RGS11: variants seen among roughly 807,000 people sequenced by gnomAD.
RGS11 encodes regulator of G protein signaling 11, also known as regulator of G-protein signaling 11.
RGS11 carries 86 observed loss-of-function variants against 71.1 expected under a neutral mutation model. That is an observed-to-expected ratio of 1.21 (90% CI 1.02 to 1.45). The LOEUF is 1.45. RGS11 is among the 40% of genes most tolerant of loss of function. The pLI, the probability that RGS11 is intolerant of heterozygous loss-of-function variation, is 0.00. For missense variants in RGS11, 734 were observed against 635.1 expected (o/e 1.16, Z -1.67); for synonymous variants, 298 against 254.2 (o/e 1.17, Z -1.64).
At chr16:270,943 C>T (rs748107693) in intron 13 of RGS11, 41 bp downstream of exon 13, 15 of 1,569,086 alleles carry the variant, frequency 9.6e-6, no homozygotes, top group Non-Finnish European at 1.2e-5. Flanking sequence ...CAGGCAGCAG[C>T]CTCCCCGCTG....
Position 268,357 on chromosome 16 carries a change from T to G in RGS11, c.*912A>C. 1 of 270,264 alleles carries G rather than the reference T, an allele frequency of 3.7e-6. No homozygotes were observed. Among genetic ancestry groups the G allele is most frequent in the South Asian group, 4.5e-5 (1 of 22,344 alleles). 16.7% of individuals were successfully genotyped at this position (270,264 alleles called of 1,614,324 possible). On this transcript the variant is annotated 3_prime_UTR_variant, in exon 17 of 17. Coordinates refer to ENST00000397770, the MANE Select transcript of RGS11 (RefSeq NM_183337.3). ...TCTTTTATTTGTGTGCTGGACGCTG[T>G]TGGGAGTGACTGGATGTGAGCCAGC...
chr16:269,703 A>AC lies in RGS11; in HGVS notation c.1207-119dup, dbSNP rs113321592. The AC allele has an allele frequency of 2.7e-4, 221 of 824,890 alleles. No individual in the cohort carries two copies. In the African/African-American group the frequency reaches 3.2e-3, roughly 12 times the overall value. The allele number at this position is 824,890 out of a possible 1,614,324, so 51.1% of individuals were successfully genotyped here. A position where few individuals can be genotyped will look rare whatever the true frequency, so the allele number is the denominator to read the frequency against. On this transcript the variant is annotated intron_variant, in intron 15 of 16. Transcript: ENST00000397770. ...CCTCCAGCCACAGAGTCTCCGGCGG[A>AC]CAGGGTGCTGGAGGCAGCCGCCTCG...
At position 270,847 on chromosome 16, in the gene RGS11, C is replaced by T. The variant is rs1374678155; in HGVS notation, c.980-16G>A. 2 of 1,607,804 alleles carry T rather than the reference C, an allele frequency of 1.2e-6. No individual in the cohort carries two copies. Among genetic ancestry groups the T allele is most frequent in the Non-Finnish European group, 1.7e-6 (2 of 1,177,864 alleles). On this transcript the variant is annotated splice_polypyrimidine_tract_variant and intron_variant, in intron 13 of 16. Transcript: ENST00000397770. ...AGGTTTTCTCCTGGGGGGCCGGGCA[C>T]CCAGTCAAGGATCCCATCGAGAGTG...
chr16:273,077 T>C, intron 8 of RGS11, 146 bp from the exon 9 acceptor site: 1 of 768,926 alleles, frequency 1.3e-6, no homozygotes, highest in Non-Finnish European at 2.0e-6. Flanking sequence ...CAGCTGTCTC[T>C]TCTCTGCTCA....
chr16:271,331 G>A lies in RGS11; in HGVS notation c.750-16C>T, dbSNP rs1215532077. 1 of 1,612,554 alleles carries A rather than the reference G, an allele frequency of 6.2e-7. No homozygotes were observed. Among genetic ancestry groups the A allele is most frequent in the South Asian group, 1.1e-5 (1 of 91,068 alleles). ...ACTCAGGTACCTGGAAGGGGGTATGGGGGCTGGTGCAGGAGGGGCCTCAGC... is the reference window on the plus strand; with the variant it reads ...ACTCAGGTACCTGGAAGGGGGTATGAGGGCTGGTGCAGGAGGGGCCTCAGC... On this transcript the variant is annotated splice_polypyrimidine_tract_variant and intron_variant, in intron 11 of 16. Transcript: ENST00000397770.
rs556974692 is a variant in RGS11 at position 270,777 on chromosome 16, G to A, written c.1034C>T (p.Ala345Val). ...GGCATCCACCAGGGTGGGGACCTGG[G>A]CCTGCGCTCCATATCGAAGCTCCTC... ...ACEELRYGAQ[A>V]QVPTLVDAVY... The change falls in exon 14 of 17, where the codon GCC becomes GTC. Residue 345 changes from alanine (A) to valine (V), a missense_variant. Coordinates refer to ENST00000397770, the MANE Select transcript of RGS11 (RefSeq NM_183337.3). 3.1e-6 allele frequency: 5 copies of A among 1,612,580 alleles called. No individual in the cohort carries two copies. The African/African-American group carries it at 6.7e-5, about 21-fold the overall frequency.
chr16:272,910 C>T lies in RGS11; in HGVS notation c.610G>A (p.Glu204Lys), dbSNP rs1351796611. The T allele has an allele frequency of 1.3e-6, 2 of 1,523,524 alleles. No individual in the cohort carries two copies. Among genetic ancestry groups the T allele is most frequent in the Non-Finnish European group, 1.8e-6 (2 of 1,131,462 alleles). 94.4% of individuals were successfully genotyped at this position (1,523,524 alleles called of 1,614,324 possible). Residue 204 changes from glutamate (E) to lysine (K), a missense_variant, in exon 9 of 17, where the codon GAG (glutamate) becomes AAG (lysine). Glu to Lys is a moderately conservative substitution (Grantham distance 56, BLOSUM62 1). Coordinates refer to ENST00000397770, the MANE Select transcript of RGS11 (RefSeq NM_183337.3). The part of the protein sequence containing the change: ...RPPPGAPDVL[E>K]QGPGRGSCAA... ...CAGGATCCCCGCCCTGGACCCTGCT[C>T]CAGCACATCGGGGGCCCCGGGCTGC...
Position 269,593 on chromosome 16 carries a change from A to G in RGS11, c.1207-8T>C, listed in dbSNP as rs2051823012. On this transcript the variant is annotated splice_polypyrimidine_tract_variant and splice_region_variant and intron_variant, in intron 15 of 16. Transcript: ENST00000397770. ...GAACCTTGGGTAGGAGTCCTACAAG[A>G]GACAGCGTCCAGCCCCTGACCCTTC... is the stretch of plus-strand genomic sequence containing the variant. 6.2e-7 allele frequency: 1 copy of G among 1,609,554 alleles called. No homozygotes were observed. Among genetic ancestry groups the G allele is most frequent in the Non-Finnish European group, 8.5e-7 (1 of 1,176,720 alleles).
rs1232675028 is a variant in RGS11, at chr16:268,370, G to A, written c.*899C>T. On this transcript the variant is annotated 3_prime_UTR_variant, in exon 17 of 17. Coordinates refer to ENST00000397770, the MANE Select transcript of RGS11 (RefSeq NM_183337.3). ...TGCTGGACGCTGTTGGGAGTGACTG[G>A]ATGTGAGCCAGCCCTATGGGTGGGG... 3.3e-6 allele frequency: 1 copy of A among 301,950 alleles called. No homozygotes were observed. Among genetic ancestry groups the A allele is most frequent in the Non-Finnish European group, 6.4e-6 (1 of 155,156 alleles). The allele number at this position is 301,950 out of a possible 1,614,324, so 18.7% of individuals were successfully genotyped here.
chr16:275,836 AC>A lies in RGS11; in HGVS notation c.63+12del. ...GAAATCGGGGGACGGCGGGACACCC[AC>A]CCGCCTCGCACCTTCCTCAGATGCG... On this transcript the variant is annotated intron_variant, in intron 1 of 16. Transcript: ENST00000397770. The A allele has an allele frequency of 9.5e-7, 1 of 1,054,956 alleles. No homozygotes were observed. The allele number at this position is 1,054,956 out of a possible 1,614,324, so 65.3% of individuals were successfully genotyped here. A position where few individuals can be genotyped will look rare whatever the true frequency, so the allele number is the denominator to read the frequency against.
chr16:271,589 C>T lies in RGS11; in HGVS notation c.658-20G>A, dbSNP rs768842752. 1.2e-6 allele frequency: 2 copies of T among 1,613,480 alleles called. No individual in the cohort carries two copies. Among genetic ancestry groups the T allele is most frequent in the Non-Finnish European group, 1.7e-6 (2 of 1,179,618 alleles). On this transcript the variant is annotated intron_variant, in intron 9 of 16. Coordinates refer to ENST00000397770, the MANE Select transcript of RGS11 (RefSeq NM_183337.3). ...CTTGGTCTAGAAGGGGATAGGTGGG[C>T]TGCAGTTAGATGCAGGTCCCCTGCT...
chr16:269,270 T>C lies in RGS11; in HGVS notation c.1403A>G (p.Ter468TrpextTer89), dbSNP rs777204545. Residue 468 changes from the stop codon to tryptophan (W), a stop_lost, in exon 17 of 17, where the codon TAG (stop) becomes TGG (tryptophan). Coordinates refer to ENST00000397770, the MANE Select transcript of RGS11 (RefSeq NM_183337.3). ...AGAGTGGCAGATGGGCCAGGTCCACTAGGCCACCCCATCTCCACCCCCAGG... is the reference window on the plus strand; with the variant it reads ...AGAGTGGCAGATGGGCCAGGTCCACCAGGCCACCCCATCTCCACCCCCAGG... ...CGPGGGDGVA[*>W] The C allele has an allele frequency of 6.4e-7, 1 of 1,559,528 alleles. No individual in the cohort carries two copies. Among genetic ancestry groups the C allele is most frequent in the South Asian group, 1.2e-5 (1 of 85,200 alleles).
chr16:269,128 G>GC lies in RGS11; in HGVS notation c.*140_*141insG, dbSNP rs566943213. On this transcript the variant is annotated 3_prime_UTR_variant, in exon 17 of 17. Coordinates refer to ENST00000397770, the MANE Select transcript of RGS11 (RefSeq NM_183337.3). ...AGGGAGGGAGGCTGTGCACCCCACAGAAGACTGGGCCCCCTGGGCACAAGG... is the reference window on the plus strand; with the variant it reads ...AGGGAGGGAGGCTGTGCACCCCACAGCAAGACTGGGCCCCCTGGGCACAAGG... 628 of 900,522 alleles carry GC rather than the reference G, an allele frequency of 7.0e-4. 6 individuals are homozygous for GC. In the South Asian group the frequency reaches 8.0e-3, roughly 11 times the overall value. The allele number at this position is 900,522 out of a possible 1,614,324, so 55.8% of individuals were successfully genotyped here. A position where few individuals can be genotyped will look rare whatever the true frequency, so the allele number is the denominator to read the frequency against.
chr16:271,266 C>A lies in RGS11; in HGVS notation c.799G>T (p.Gly267Trp). The A allele has an allele frequency of 6.2e-7, 1 of 1,612,960 alleles. No homozygotes were observed. The change falls in exon 12 of 17, where the codon GGG (glycine) becomes TGG (tryptophan). Residue 267 changes from glycine (G) to tryptophan (W), a missense_variant. By Grantham distance (184) the Gly-to-Trp change is radical (BLOSUM62 -2). Transcript: ENST00000397770. ...QRGPHDPLVSGCLPSNPWISD... is the reference protein window; with the variant it reads ...QRGPHDPLVSWCLPSNPWISD... The stretch of plus-strand genomic sequence containing the variant: ...ATCCAGGGATTGCTGGGCAGGCACC[C>A]CGACACGAGGGGATCGTGGGGTCCA...
rs749289973 is a variant in RGS11 at position 271,413 on chromosome 16, G to A, written c.735C>T (p.Ser245=). 9 of 1,613,738 alleles carry A rather than the reference G, an allele frequency of 5.6e-6. No individual in the cohort carries two copies. Among genetic ancestry groups the A allele is most frequent in the Middle Eastern group, 1.6e-4 (1 of 6,062 alleles). Residue 245 remains serine (S), a synonymous_variant, in exon 11 of 17, where the codon TCC becomes TCT. Coordinates refer to ENST00000397770, the MANE Select transcript of RGS11 (RefSeq NM_183337.3). ...KALGRTRVKS[S]VCLEAYLSFC... ...ACCCCACTCACGCCTCAAGGCAGAC[G>A]GAGGACTTCACTCGGGTCCTGCCCA...
Position 275,853 on chromosome 16 carries a change from C to A in RGS11, c.59G>T (p.Arg20Met). Residue 20 changes from arginine to methionine, a missense_variant, in exon 1 of 17, where the codon AGG (arginine) becomes ATG (methionine). Coordinates refer to ENST00000397770, the MANE Select transcript of RGS11 (RefSeq NM_183337.3). ...GRPRAQMPHL[R>M]KMERVVVSMQ... ...GGACACCCACCCGCCTCGCACCTTC[C>A]TCAGATGCGGCATCTGCGCCCGGGG... 9.4e-7 allele frequency: 1 copy of A among 1,068,236 alleles called. No homozygotes were observed. Among genetic ancestry groups the A allele is most frequent in the Non-Finnish European group, 1.1e-6 (1 of 871,272 alleles). 66.2% of individuals were successfully genotyped at this position (1,068,236 alleles called of 1,614,324 possible). A position where few individuals can be genotyped will look rare whatever the true frequency, so the allele number is the denominator to read the frequency against.
chr16:272,731 C>T, intron 9 of RGS11, 132 bp downstream of exon 9: 21 of 1,500,666 alleles, frequency 1.4e-5, no homozygotes, highest in Admixed American at 2.1e-5. Flanking sequence ...TGAGCAGGGG[C>T]TTGGGGAGGC....
At chr16:274,287 G>T in intron 4 of RGS11, 22 bp from the exon 5 acceptor site, 1 of 1,604,684 alleles carries the variant, frequency 6.2e-7, no homozygotes. Flanking sequence ...CAGGGAGAAG[G>T]TGTCCAGGAC....
At chr16:270,118 G>A (rs1052560312) in intron 15 of RGS11, among the ~76,000 whole-genome samples, 6 of 152,140 alleles carry the variant, frequency 3.9e-5, no homozygotes, top group East Asian at 1.9e-4. Context: ...GCGTGGTGGC[G>A]GGCGCCTGTA....
Sources: gnomAD v4.1 joint callset for allele counts (sites outside exome capture counted in the v4.1 genomes callset) on GRCh38, gnomAD v4.1.1 for gene constraint, MANE v1.5 for transcripts, NCBI Gene and HGNC (gene_info 2026-07-23, HGNC 2026-07-21) for gene names.